Variants in DIAPH2 observed in about 807,000 individuals in gnomAD.
The protein encoded by DIAPH2 is diaphanous related formin 2, also known as protein diaphanous homolog 2.
A neutral mutation model predicts 92.7 loss-of-function variants in DIAPH2; 35 were observed. The observed-to-expected ratio is 0.38, with a 90% CI of 0.29 to 0.50. DIAPH2 has a LOEUF of 0.50. Among genes scored for constraint, DIAPH2 ranks in the 20% least tolerant of loss-of-function variants. The pLI is 0.94. For missense variants in DIAPH2, 701 were observed against 819.5 expected, an observed-to-expected ratio of 0.86 and a Z score of 1.77; for synonymous variants, 301 against 280.4, an observed-to-expected ratio of 1.07 and a Z score of -0.73.
intron 4 of DIAPH2, among the ~76,000 whole-genome samples, chrX:96,846,242 G>A (rs2064971273): frequency 9.1e-6 from 1 of 109,485 alleles, no homozygotes; most frequent in Admixed American, 9.8e-5. Context: ...CCGCCTTCTG[G>A]GTTCAAACAA....
intron 22 of DIAPH2, among the ~76,000 whole-genome samples, chrX:97,192,708 G>C (rs1303805801): frequency 9.0e-6 from 1 of 111,436 alleles, no homozygotes; most frequent in East Asian, 2.8e-4. Flanking sequence ...TAGATGGTAG[G>C]AATTTTCCTC....
At chrX:96,729,902 A>C (rs975417522) in intron 1 of DIAPH2, among the ~76,000 whole-genome samples, 1 of 112,370 alleles carries the variant, frequency 8.9e-6, no homozygotes, top group Admixed American at 9.4e-5. Context: ...GGACAGTTCA[A>C]GATGTTAACA....
rs969378010 is a variant in DIAPH2, at chrX:96,874,542, C to A, written c.448-7037C>A. 2.7e-5 allele frequency among the ~76,000 whole-genome samples: 3 copies of A among 111,967 alleles called. No homozygotes were observed. The South Asian group carries it at 1.1e-3, about 41-fold the overall frequency. On this transcript the variant is annotated intron_variant, in intron 4 of 26. Transcript: ENST00000324765. Reference sequence around the variant, plus strand: ...AAAAAGAAATATGTCAAATTGATTGCTTATTATCCAGATTGACTAATATTG... The same window carrying A: ...AAAAAGAAATATGTCAAATTGATTGATTATTATCCAGATTGACTAATATTG...
At chrX:97,155,234 T>G (rs936703655) in intron 22 of DIAPH2, among the ~76,000 whole-genome samples, 1 of 112,072 alleles carries the variant, frequency 8.9e-6, no homozygotes, top group African/African-American at 3.2e-5. Context: ...CCGGGCTTGG[T>G]GGCTCACGCC....
intron 17 of DIAPH2, among the ~76,000 whole-genome samples, chrX:97,011,749 G>A (rs942383400): frequency 1.2e-4 from 13 of 108,485 alleles, no homozygotes; most frequent in African/African-American, 4.4e-4. Context: ...AAAATTAGCC[G>A]GGTGTGCTGG....
chrX:97,558,566 C>T (rs1466864223), intron 26 of DIAPH2, among the ~76,000 whole-genome samples: 6 of 111,040 alleles, frequency 5.4e-5, no homozygotes, highest in African/African-American at 1.6e-4. Flanking sequence ...ATATGATGTA[C>T]GATCCACTGA....
At chrX:96,757,452 A>G (rs2064238626) in intron 3 of DIAPH2, among the ~76,000 whole-genome samples, 1 of 111,992 alleles carries the variant, frequency 8.9e-6, no homozygotes, top group Non-Finnish European at 1.9e-5. Flanking sequence ...GGGTGTCTTC[A>G]TATGTCACAA....
intron 22 of DIAPH2, among the ~76,000 whole-genome samples, chrX:97,170,410 A>G (rs1388307825): frequency 8.9e-6 from 1 of 112,280 alleles, no homozygotes; most frequent in Non-Finnish European, 1.9e-5. Flanking sequence ...CCTGCAAGCC[A>G]TCTGATAAAA....
At chrX:97,073,857 G>A (rs2066685823) in intron 18 of DIAPH2, among the ~76,000 whole-genome samples, 1 of 112,240 alleles carries the variant, frequency 8.9e-6, no homozygotes. Context: ...ATCAGTAGCT[G>A]TTGTGAATGT....
At chrX:97,252,181 A>G (rs976194482) in intron 23 of DIAPH2, among the ~76,000 whole-genome samples, 2 of 111,612 alleles carry the variant, frequency 1.8e-5, no homozygotes, top group Non-Finnish European at 3.8e-5. Flanking sequence ...TCCTTACCAC[A>G]TTTACTTGCA....
intron 17 of DIAPH2, among the ~76,000 whole-genome samples, chrX:97,058,668 C>G (rs1179273174): frequency 9.0e-6 from 1 of 110,773 alleles, no homozygotes; most frequent in Non-Finnish European, 1.9e-5. Flanking sequence ...GGCATCCTCA[C>G]TACTTAGGCT....
chrX:97,198,977 G>A (rs2067725684), intron 22 of DIAPH2, among the ~76,000 whole-genome samples: 1 of 110,344 alleles, frequency 9.1e-6, no homozygotes. Context: ...TTAAAGGTGA[G>A]GGGAAGTGAA....
At chrX:97,549,481 A>G (rs866294096) in intron 26 of DIAPH2, among the ~76,000 whole-genome samples, 2 of 111,335 alleles carry the variant, frequency 1.8e-5, no homozygotes, top group African/African-American at 6.5e-5. Flanking sequence ...ACACATACAC[A>G]CATTATTTTT....
intron 9 of DIAPH2, 58 bp from the exon 10 acceptor site, chrX:96,930,675 G>T: frequency 1.2e-6 from 1 of 836,590 alleles, no homozygotes; most frequent in Non-Finnish European, 1.7e-6. Context: ...TTATCTTAAT[G>T]CATTATTTCA....
At chrX:96,843,816 G>A (rs73250755) in intron 4 of DIAPH2, among the ~76,000 whole-genome samples, 9 of 110,822 alleles carry the variant, frequency 8.1e-5, no homozygotes, top group African/African-American at 1.3e-4. Flanking sequence ...GACCCTCCCC[G>A]TTATCTGCCT....
intron 1 of DIAPH2, among the ~76,000 whole-genome samples, chrX:96,689,041 C>T (rs1003868161): frequency 1.8e-5 from 2 of 109,645 alleles, no homozygotes; most frequent in Non-Finnish European, 3.8e-5. Flanking sequence ...GAATTGCATG[C>T]TTGAGTAAGA....
At chrX:96,824,919 T>G (rs949980022) in intron 4 of DIAPH2, among the ~76,000 whole-genome samples, 5 of 109,764 alleles carry the variant, frequency 4.6e-5, no homozygotes, top group Non-Finnish European at 9.5e-5. Context: ...TTTCCCTCCT[T>G]CACCAGTATT....
chrX:96,903,867 A>C (rs1181835310), intron 5 of DIAPH2, among the ~76,000 whole-genome samples: 1 of 112,470 alleles, frequency 8.9e-6, no homozygotes, highest in Non-Finnish European at 1.9e-5. Context: ...TAGACAGCTT[A>C]TGAAATTGAT....
intron 22 of DIAPH2, among the ~76,000 whole-genome samples, chrX:97,152,122 A>C (rs760795932): frequency 9.0e-6 from 1 of 111,649 alleles, no homozygotes; most frequent in Non-Finnish European, 1.9e-5. Context: ...ATATTCATCA[A>C]TAAGGATGAG....
Sources: allele counts gnomAD v4.1 joint callset (sites outside exome capture counted in the v4.1 genomes callset), GRCh38; gene constraint gnomAD v4.1.1; transcripts MANE v1.5; gene names NCBI Gene and HGNC (gene_info 2026-07-23, HGNC 2026-07-21).